Variants in KCNJ15 observed in about 807,000 individuals in gnomAD.
The protein encoded by KCNJ15 is potassium inwardly rectifying channel subfamily J member 15.
A neutral mutation model predicts 23.0 loss-of-function variants in KCNJ15; 14 were observed. The observed-to-expected ratio is 0.61, with a 90% CI of 0.40 to 0.95. KCNJ15 has a LOEUF of 0.95. Ranked by LOEUF, KCNJ15 falls within the 40% of genes least tolerant of loss-of-function variation. The probability of loss-of-function intolerance (pLI) is 0.00; values close to 1 mark genes in which losing one functional copy is unlikely to be tolerated. For missense variants in KCNJ15, 388 were observed against 461.8 expected, an observed-to-expected ratio of 0.84 and a Z score of 1.46; for synonymous variants, 185 against 183.2, an observed-to-expected ratio of 1.01 and a Z score of -0.08.
intron 1 of KCNJ15, among the ~76,000 whole-genome samples, chr21:38,273,731 A>G (rs1346957658): frequency 6.6e-6 from 1 of 152,262 alleles, no homozygotes; most frequent in Non-Finnish European, 1.5e-5. Flanking sequence ...GAACATCAAT[A>G]GTTAAACGAT....
intron 1 of KCNJ15, among the ~76,000 whole-genome samples, chr21:38,288,052 T>TTTTTTTTTTTTTTTTTTTTTTTTTTC (rs1984155558): frequency 8.7e-6 from 1 of 115,546 alleles, no homozygotes; most frequent in Non-Finnish European, 1.8e-5. Flanking sequence ...TTTTTTTTTT[T>TTTTTTTTTTTTTTTTTTTTTTTTTTC]TTTTTTGAGA....
intron 1 of KCNJ15, among the ~76,000 whole-genome samples, chr21:38,263,620 T>C (rs1407521417): frequency 6.6e-6 from 1 of 152,164 alleles, no homozygotes; most frequent in African/African-American, 2.4e-5. Flanking sequence ...TTCCCTCCTC[T>C]GACTAACGTT....
intron 1 of KCNJ15, among the ~76,000 whole-genome samples, chr21:38,274,195 G>A (rs1230872575): frequency 1.3e-5 from 2 of 152,334 alleles, no homozygotes; most frequent in African/African-American, 4.8e-5. Flanking sequence ...ACGTGAACTA[G>A]TGTTCATGCT....
intron 2 of KCNJ15, among the ~76,000 whole-genome samples, chr21:38,298,732 G>A (rs758188389): frequency 6.6e-6 from 1 of 152,168 alleles, no homozygotes; most frequent in Non-Finnish European, 1.5e-5. Context: ...TTTAGTTATA[G>A]CAGTACTGGA....
In KCNJ15 at chr21:38,303,893, G is replaced by GA. The variant is rs1985946660; in HGVS notation, c.*3509dup. The GA allele has an allele frequency of 6.6e-6, 1 of 152,090 alleles. No homozygotes were observed. Among genetic ancestry groups the GA allele is most frequent in the African/African-American group, 2.4e-5 (1 of 41,422 alleles). 9.4% of individuals were successfully genotyped at this position (152,090 alleles called of 1,614,324 possible). ...ATGCCCAGCTGGAGGGAGAAGAAGA[G>GA]AAAAATGAAAGCACTAGGCCTTTGA... is the stretch of plus-strand genomic sequence containing the variant. On this transcript the variant is annotated 3_prime_UTR_variant, in exon 3 of 3. Transcript: ENST00000398938.
rs57018976 is a variant in KCNJ15, at chr21:38,290,995, AAC to A, written c.-116-5902_-116-5901del. On this transcript the variant is annotated intron_variant, in intron 1 of 2. Transcript: ENST00000398938. ...GTTCTCAAATGTCATAAAAAGGCTA[AAC>A]ACACACACACACACACACACACACA... is the stretch of plus-strand genomic sequence containing the variant. 9.5e-3 allele frequency among the ~76,000 whole-genome samples: 1,201 copies of A among 126,774 alleles called. 12 individuals carry two copies. The highest frequency in any genetic ancestry group is 0.018 in the African/African-American group (612 of 34,284). The allele number at this position is 126,774 out of a possible 152,430, so 83.2% of individuals were successfully genotyped here.
chr21:38,294,965 G>A (rs368890170), intron 1 of KCNJ15, among the ~76,000 whole-genome samples: 1 of 152,084 alleles, frequency 6.6e-6, no homozygotes, highest in Non-Finnish European at 1.5e-5. Flanking sequence ...AAACTGAAAC[G>A]ATATAACAAA....
chr21:38,238,043 TAGG>T (rs1978734413), intron 1 of KCNJ15: 1 of 257,724 alleles, frequency 3.9e-6, no homozygotes, highest in African/African-American at 2.2e-5. Flanking sequence ...TTCCCCACCG[TAGG>T]ATACTGTTAA....
In KCNJ15 at chr21:38,299,269, C is replaced by A; in HGVS notation, c.8C>A (p.Ala3Asp). The A allele has an allele frequency of 6.2e-7, 1 of 1,610,338 alleles. No individual in the cohort carries two copies. The highest frequency in any genetic ancestry group is 1.3e-5 in the African/African-American group (1 of 74,968). Residue 3 changes from alanine to aspartate, a missense_variant, in exon 3 of 3, where the codon GCC becomes GAC. Transcript: ENST00000398938. The surrounding 1 kb of genome is among the most constrained non-coding windows in gnomAD (Gnocchi z 4.5). ...TGTTTCCAGAGCCTGGCAATGGATG[C>A]CATTCACATCGGCATGTCCAGCACC... MD[A>D]IHIGMSSTPL...
chr21:38,273,236 C>G (rs909339455), intron 1 of KCNJ15, among the ~76,000 whole-genome samples: 1 of 152,158 alleles, frequency 6.6e-6, no homozygotes, highest in Non-Finnish European at 1.5e-5. Context: ...CTCTAGTTAC[C>G]TTTACAGATT....
rs1404064302 is a variant in KCNJ15 at position 38,299,720 on chromosome 21, G to A, written c.459G>A (p.Thr153=). The part of the protein sequence containing the change: ...IFLLVAQLVI[T]TLIEIFITGT... Reference sequence around the variant, plus strand: ...TGTTGGTTGCTCAGTTGGTCATCACGACCTTGATTGAGATCTTCATCACCG... The same window carrying A: ...TGTTGGTTGCTCAGTTGGTCATCACAACCTTGATTGAGATCTTCATCACCG... The change falls in exon 3 of 3, where the codon ACG becomes ACA. Residue 153 remains threonine (T), a synonymous_variant. Coordinates refer to ENST00000398938, the MANE Select transcript of KCNJ15 (RefSeq NM_170736.3). The surrounding 1 kb of genome is among the most constrained non-coding windows in gnomAD (Gnocchi z 4.5). 5.0e-6 allele frequency: 8 copies of A among 1,613,846 alleles called. No homozygotes were observed. Among genetic ancestry groups the A allele is most frequent in the Admixed American group, 3.3e-5 (2 of 59,968 alleles).
intron 1 of KCNJ15, among the ~76,000 whole-genome samples, chr21:38,258,293 G>C (rs1330701417): frequency 6.6e-6 from 1 of 152,194 alleles, no homozygotes; most frequent in Non-Finnish European, 1.5e-5. Flanking sequence ...CAAAAGAAAA[G>C]TGTCCCATAA....
intron 1 of KCNJ15, among the ~76,000 whole-genome samples, chr21:38,247,867 C>G (rs1020352316): frequency 6.6e-6 from 1 of 152,158 alleles, no homozygotes; most frequent in African/African-American, 2.4e-5. Context: ...AATCTCACCC[C>G]ACTCACTGCA....
intron 1 of KCNJ15, among the ~76,000 whole-genome samples, chr21:38,295,598 A>G (rs1601249205): frequency 6.6e-6 from 1 of 151,894 alleles, no homozygotes; most frequent in African/African-American, 2.4e-5. Flanking sequence ...AGAAGAAACT[A>G]TTCTTCTCTC....
At chr21:38,267,248 T>A (rs1981558704) in intron 1 of KCNJ15, 2 of 152,154 alleles carry the variant, frequency 1.3e-5, no homozygotes, top group Non-Finnish European at 2.9e-5. Flanking sequence ...TTAGGGAGAA[T>A]AATATGCCTT....
At position 38,303,368 on chromosome 21, in the gene KCNJ15, G is replaced by A. The variant is rs922756728; in HGVS notation, c.*2979G>A. 2 of 151,950 alleles carry A rather than the reference G, an allele frequency of 1.3e-5. No homozygotes were observed. The highest frequency in any genetic ancestry group is 4.8e-5 in the African/African-American group (2 of 41,390). 9.4% of individuals were successfully genotyped at this position (151,950 alleles called of 1,614,324 possible). On this transcript the variant is annotated 3_prime_UTR_variant, in exon 3 of 3. Transcript: ENST00000398938. ...TTCTAATGTGTTAGGTTTTCTCAAT[G>A]AGACCATTAAAAAACGTTGTGTTCC...
chr21:38,258,608 A>T (rs979841065), intron 1 of KCNJ15, among the ~76,000 whole-genome samples: 1 of 152,264 alleles, frequency 6.6e-6, no homozygotes, highest in African/African-American at 2.4e-5. Flanking sequence ...CTCATCAAAT[A>T]ACGGAACAGA....
At chr21:38,266,497 A>G (rs984331469) in intron 1 of KCNJ15, among the ~76,000 whole-genome samples, 3 of 152,118 alleles carry the variant, frequency 2.0e-5, no homozygotes, top group South Asian at 2.1e-4. Context: ...ATAGTATTCC[A>G]TGGTGTATAT....
chr21:38,284,021 CGTT>C (rs1983629411), intron 1 of KCNJ15, among the ~76,000 whole-genome samples: 1 of 152,162 alleles, frequency 6.6e-6, no homozygotes, highest in South Asian at 2.1e-4. Flanking sequence ...AAATTCCACT[CGTT>C]GGCTTATGTG....
Sources: gnomAD v4.1 joint callset for allele counts (sites outside exome capture counted in the v4.1 genomes callset) on GRCh38, gnomAD v4.1.1 for gene constraint, Gnocchi (gnomAD v3.1) non-coding constraint, MANE v1.5 for transcripts, NCBI Gene and HGNC (gene_info 2026-07-23, HGNC 2026-07-21) for gene names.